The following GORASP2 variants were observed in gnomAD, a reference collection of about 807,000 sequenced individuals.
GORASP2 encodes the protein golgi reassembly stacking protein 2.
GORASP2 carries 22 observed loss-of-function variants against 45.7 expected under a neutral mutation model. The observed-to-expected ratio is 0.48, with a 90% CI of 0.34 to 0.69. GORASP2 has a LOEUF of 0.69. Ranked by LOEUF, GORASP2 falls within the 30% of genes least tolerant of loss-of-function variation. GORASP2 has a pLI of 0.01. For synonymous variants in GORASP2, 221 were observed against 215.6 expected (o/e 1.02, Z -0.22); for missense variants, 491 against 562.7 (o/e 0.87, Z 1.29).
chr2:170,949,872 C>T (rs562398250), intron 3 of GORASP2, 130 bp downstream of exon 3: 22 of 746,902 alleles, frequency 2.9e-5, no homozygotes, highest in South Asian at 2.9e-4. Context: ...CAAAAATCAG[C>T]GTTCATTGCT....
chr2:170,966,502 A>G lies in GORASP2; in HGVS notation c.*372A>G. ...AAGAAAATGAAATATTCTATGCCTAATACTCACACGCAACATTTCTTGTAC... is the reference window on the plus strand; with the variant it reads ...AAGAAAATGAAATATTCTATGCCTAGTACTCACACGCAACATTTCTTGTAC... On this transcript the variant is annotated 3_prime_UTR_variant, in exon 10 of 10. Transcript: ENST00000234160. 3.6e-6 allele frequency: 1 copy of G among 281,120 alleles called. No individual in the cohort carries two copies. 17.4% of individuals were successfully genotyped at this position (281,120 alleles called of 1,614,324 possible). A position where few individuals can be genotyped will look rare whatever the true frequency, so the allele number is the denominator to read the frequency against.
At chr2:170,936,794 G>C in intron 1 of GORASP2, 1 of 439,958 alleles carries the variant, frequency 2.3e-6, no homozygotes, top group Non-Finnish European at 4.4e-6. Flanking sequence ...CTCAATAAAA[G>C]CAAAATTGTC....
chr2:170,932,287 T>G (rs1373657341), intron 1 of GORASP2, among the ~76,000 whole-genome samples: 2 of 152,176 alleles, frequency 1.3e-5, no homozygotes, highest in African/African-American at 4.8e-5. Context: ...TACCTTGTAA[T>G]CATGATCCAT....
intron 1 of GORASP2, among the ~76,000 whole-genome samples, chr2:170,935,776 AT>A (rs1462122887): frequency 6.6e-6 from 1 of 151,258 alleles, no homozygotes; most frequent in Non-Finnish European, 1.5e-5. Context: ...GGTTTTTGCC[AT>A]GTTGCCCAGG....
intron 9 of GORASP2, among the ~76,000 whole-genome samples, chr2:170,965,236 A>G (rs979909243): frequency 6.6e-6 from 1 of 152,118 alleles, no homozygotes. Flanking sequence ...AATCATCATC[A>G]TGAGCCCACT....
At position 170,949,782 on chromosome 2, in the gene GORASP2, G is replaced by A. The variant is rs376885054; in HGVS notation, c.348+40G>A. On this transcript the variant is annotated intron_variant, in intron 3 of 9. Transcript: ENST00000234160. The stretch of plus-strand genomic sequence containing the variant: ...TGAACTGTTACTGGAGGTTCATGAA[G>A]CAGTGTGGAAAGATGTTTTAACAAT... 5 of 1,398,626 alleles carry A rather than the reference G, an allele frequency of 3.6e-6. No individual in the cohort carries two copies. The African/African-American group carries it at 7.1e-5, about 20-fold the overall frequency. The allele number at this position is 1,398,626 out of a possible 1,614,324, so 86.6% of individuals were successfully genotyped here. A position where few individuals can be genotyped will look rare whatever the true frequency, so the allele number is the denominator to read the frequency against.
intron 1 of GORASP2, chr2:170,929,828 G>C (rs140029870): frequency 1.7e-5 from 8 of 466,736 alleles, no homozygotes; most frequent in Admixed American, 2.4e-5. Context: ...AGAGGGATCC[G>C]GACCCGCAGT....
intron 1 of GORASP2, among the ~76,000 whole-genome samples, chr2:170,941,557 T>C (rs577306393): frequency 6.6e-6 from 1 of 152,320 alleles, no homozygotes; most frequent in East Asian, 1.9e-4. Context: ...AGGATGAATA[T>C]CCTGATTTCT....
At chr2:170,953,906 G>A (rs766520973) in intron 5 of GORASP2, 2 of 152,234 alleles carry the variant, frequency 1.3e-5, no homozygotes, top group African/African-American at 2.4e-5. Flanking sequence ...CTTTGACCAT[G>A]AGCCATTCCC....
Position 170,929,266 on chromosome 2 carries a change from A to C in GORASP2, c.-75A>C. 8.6e-7 allele frequency: 1 copy of C among 1,161,520 alleles called. No homozygotes were observed. Among genetic ancestry groups the C allele is most frequent in the Non-Finnish European group, 1.1e-6 (1 of 897,556 alleles). The allele number at this position is 1,161,520 out of a possible 1,614,324, so 72.0% of individuals were successfully genotyped here. ...GTGCCACGTCCCAAGTGCTACGCGG[A>C]GGATTAGAGCAGGCGGTGCGCTGGG... On this transcript the variant is annotated 5_prime_UTR_variant, in exon 1 of 10. Transcript: ENST00000234160.
At chr2:170,935,718 G>A (rs1477620074) in intron 1 of GORASP2, among the ~76,000 whole-genome samples, 3 of 151,756 alleles carry the variant, frequency 2.0e-5, no homozygotes, top group Admixed American at 2.0e-4. Context: ...GGGACTACAG[G>A]CACACACCAC....
At chr2:170,935,693 G>A (rs970771070) in intron 1 of GORASP2, among the ~76,000 whole-genome samples, 1 of 150,524 alleles carries the variant, frequency 6.6e-6, no homozygotes, top group African/African-American at 2.5e-5. Flanking sequence ...CCCCCTCTCA[G>A]CCTCCCCAGT....
intron 6 of GORASP2, among the ~76,000 whole-genome samples, chr2:170,955,556 A>G (rs1704405906): frequency 6.6e-6 from 1 of 152,240 alleles, no homozygotes; most frequent in Admixed American, 6.5e-5. Context: ...CTGCTGTTGT[A>G]AAGACAAGGC....
At position 170,966,045 on chromosome 2, in the gene GORASP2, T is replaced by C. The variant is rs747385111; in HGVS notation, c.1274T>C (p.Val425Ala). 7 of 1,613,718 alleles carry C rather than the reference T, an allele frequency of 4.3e-6. No individual in the cohort carries two copies. Among genetic ancestry groups the C allele is most frequent in the Middle Eastern group, 1.7e-4 (1 of 6,060 alleles). ...TPPTAKAPTTVEDRVGDSTPV... is the reference protein window; with the variant it reads ...TPPTAKAPTTAEDRVGDSTPV... ...CCCACTGCCAAGGCCCCCACCACCG[T>C]TGAGGACAGAGTCGGCGACTCCACC... The change falls in exon 10 of 10, where the codon GTT becomes GCT. Residue 425 changes from valine (V) to alanine (A), a missense_variant. Transcript: ENST00000234160.
chr2:170,950,334 C>A, intron 4 of GORASP2, 44 bp downstream of exon 4: 1 of 952,204 alleles, frequency 1.1e-6, no homozygotes, highest in South Asian at 1.6e-5. Flanking sequence ...ATAAAATTTT[C>A]TCATTGAGGT....
Position 170,954,398 on chromosome 2 carries a change from A to T in GORASP2, c.567-252A>T, listed in dbSNP as rs1227964710. On this transcript the variant is annotated intron_variant, in intron 5 of 9. Coordinates refer to ENST00000234160, the MANE Select transcript of GORASP2 (RefSeq NM_015530.5). ...ATGAATTCTTGAAAAATAAAGGAGT[A>T]AGGGTGATATCCACAGTGGAGGGCA... is the stretch of plus-strand genomic sequence containing the variant. 7 of 400,404 alleles carry T rather than the reference A, an allele frequency of 1.7e-5. No homozygotes were observed. The East Asian group carries it at 3.0e-4, about 17-fold the overall frequency. The allele number at this position is 400,404 out of a possible 1,614,324, so 24.8% of individuals were successfully genotyped here. A position where few individuals can be genotyped will look rare whatever the true frequency, so the allele number is the denominator to read the frequency against.
intron 6 of GORASP2, 35 bp downstream of exon 6, chr2:170,954,817 G>A (rs772858177): frequency 1.2e-5 from 19 of 1,573,156 alleles, no homozygotes; most frequent in Admixed American, 1.8e-5. Context: ...ATATCATAAA[G>A]TTTTTACCAA....
intron 2 of GORASP2, 50 bp downstream of exon 2, chr2:170,948,480 A>G (rs1319068037): frequency 9.7e-7 from 1 of 1,034,716 alleles, no homozygotes; most frequent in Non-Finnish European, 1.5e-6. Context: ...AATCTCTCAA[A>G]AATGGAATTT....
chr2:170,949,445 T>C lies in GORASP2; in HGVS notation c.145-94T>C, dbSNP rs556339826. ...ACCTTTGTTGAATGTTTTATTTATG[T>C]TGATTATTAATATTACTCTTATAGG... On this transcript the variant is annotated intron_variant, in intron 2 of 9. Coordinates refer to ENST00000234160, the MANE Select transcript of GORASP2 (RefSeq NM_015530.5). The C allele has an allele frequency of 1.2e-5, 9 of 774,922 alleles. No homozygotes were observed. In the South Asian group the frequency reaches 1.2e-4, roughly 10 times the overall value. 48.0% of individuals were successfully genotyped at this position (774,922 alleles called of 1,614,324 possible). A position where few individuals can be genotyped will look rare whatever the true frequency, so the allele number is the denominator to read the frequency against.
Sources: gnomAD v4.1 joint callset for allele counts (sites outside exome capture counted in the v4.1 genomes callset) on GRCh38, gnomAD v4.1.1 for gene constraint, MANE v1.5 for transcripts, NCBI Gene and HGNC (gene_info 2026-07-23, HGNC 2026-07-21) for gene names.